PTPRD: variants seen among roughly 807,000 people sequenced by gnomAD.
PTPRD encodes the protein protein tyrosine phosphatase receptor type D, also known as receptor-type tyrosine-protein phosphatase delta.
A neutral mutation model predicts 214.5 loss-of-function variants in PTPRD; 34 were observed. The observed-to-expected ratio is 0.16, with a 90% CI of 0.12 to 0.21. PTPRD has a LOEUF of 0.21. Ranked by LOEUF, PTPRD falls within the 10% of genes least tolerant of loss-of-function variation. The pLI, the probability that PTPRD is intolerant of heterozygous loss-of-function variation, is 1.00. For synonymous variants in PTPRD, 1,128 were observed against 845.7 expected (o/e 1.33, Z -5.79); for missense variants, 2,545 against 2,398.7 (o/e 1.06, Z -1.27).
At chr9:9,012,196 T>G (rs535679350) in intron 11 of PTPRD, among the ~76,000 whole-genome samples, 2 of 152,278 alleles carry the variant, frequency 1.3e-5, no homozygotes, top group East Asian at 3.9e-4. Context: ...AAATGAATTC[T>G]GCCAACAACT....
At chr9:10,572,118 G>A (rs976926307) in intron 2 of PTPRD, among the ~76,000 whole-genome samples, 2 of 152,102 alleles carry the variant, frequency 1.3e-5, no homozygotes, top group Non-Finnish European at 2.9e-5. Context: ...ATTAGAAAAT[G>A]AAACAAAGCC....
intron 3 of PTPRD, among the ~76,000 whole-genome samples, chr9:10,253,452 C>A (rs2092969954): frequency 6.6e-6 from 1 of 152,214 alleles, no homozygotes; most frequent in Non-Finnish European, 1.5e-5. Flanking sequence ...TGGTAAACAT[C>A]CACTCAGCGG....
chr9:9,964,267 TAGGACAAGAA>T (rs1369415410), intron 4 of PTPRD, among the ~76,000 whole-genome samples: 1 of 152,216 alleles, frequency 6.6e-6, no homozygotes, highest in Admixed American at 6.5e-5. Context: ...TAACCGCTAC[TAGGACAAGAA>T]AGAATGTAAT....
At position 8,636,691 on chromosome 9, in the gene PTPRD, C is replaced by T. The variant is rs1228908178; in HGVS notation, c.210+8G>A. 6 of 1,613,784 alleles carry T rather than the reference C, an allele frequency of 3.7e-6. No individual in the cohort carries two copies. The highest frequency in any genetic ancestry group is 5.1e-6 in the Non-Finnish European group (6 of 1,179,754). Reference sequence around the variant, plus strand: ...TCCCCCAGAGAAACAGAACAATGGACCTAATACCTCAAATCTCTGATTGCT... The same window carrying T: ...TCCCCCAGAGAAACAGAACAATGGATCTAATACCTCAAATCTCTGATTGCT... On this transcript the variant is annotated splice_region_variant and intron_variant, in intron 13 of 45. Transcript: ENST00000381196.
chr9:9,486,523 C>G (rs189213095), intron 8 of PTPRD, among the ~76,000 whole-genome samples: 2 of 151,818 alleles, frequency 1.3e-5, no homozygotes, highest in Admixed American at 1.3e-4. Context: ...TTTTTCCTCC[C>G]TCATCTCTAT....
intron 3 of PTPRD, among the ~76,000 whole-genome samples, chr9:10,184,872 T>A (rs1214386039): frequency 6.6e-6 from 1 of 152,112 alleles, no homozygotes; most frequent in Admixed American, 6.5e-5. Flanking sequence ...TGGCAGTGAG[T>A]TTTTTTATTC....
intron 9 of PTPRD, among the ~76,000 whole-genome samples, chr9:9,362,127 C>T (rs181772369): frequency 6.9e-4 from 105 of 151,084 alleles, no homozygotes; most frequent in Middle Eastern, 3.4e-3. Context: ...AACCATTCCT[C>T]TTTTATATCA....
At chr9:9,016,999 T>G (rs2099538421) in intron 11 of PTPRD, among the ~76,000 whole-genome samples, 1 of 152,136 alleles carries the variant, frequency 6.6e-6, no homozygotes, top group African/African-American at 2.4e-5. Flanking sequence ...AGCTCTACTC[T>G]ATGGTTATAA....
intron 5 of PTPRD, among the ~76,000 whole-genome samples, chr9:9,837,486 G>C (rs2057106741): frequency 6.6e-6 from 1 of 152,232 alleles, no homozygotes; most frequent in African/African-American, 2.4e-5. Context: ...AGTAGGTCCA[G>C]TGTCGCATAT....
chr9:9,822,610 T>C lies in PTPRD; in HGVS notation c.-367-55759A>G, dbSNP rs181356405. Among the ~76,000 whole-genome samples the C allele has an allele frequency of 4.2e-3, 629 of 151,384 alleles. 6 individuals carry two copies. The highest frequency in any genetic ancestry group is 0.015 in the African/African-American group (605 of 41,358). ...TTTCTTCTTGTTAAATTATTTGTAA[T>C]GTTATTTTTTAAAGATATTCTGGCT... On this transcript the variant is annotated intron_variant, in intron 5 of 45. Coordinates refer to ENST00000381196, the MANE Select transcript of PTPRD (RefSeq NM_002839.4).
At chr9:9,339,656 T>C (rs914018518) in intron 9 of PTPRD, among the ~76,000 whole-genome samples, 1 of 152,170 alleles carries the variant, frequency 6.6e-6, no homozygotes, top group African/African-American at 2.4e-5. Flanking sequence ...ATTATTTACA[T>C]CAACTTAATT....
At chr9:10,129,227 G>A (rs1015250479) in intron 3 of PTPRD, among the ~76,000 whole-genome samples, 1 of 152,020 alleles carries the variant, frequency 6.6e-6, no homozygotes, top group Non-Finnish European at 1.5e-5. Context: ...TTACTAGCCC[G>A]AAAGTACCTA....
intron 5 of PTPRD, among the ~76,000 whole-genome samples, chr9:9,832,129 T>C (rs945394617): frequency 1.4e-4 from 21 of 152,110 alleles, no homozygotes; most frequent in African/African-American, 5.1e-4. Flanking sequence ...AATGCATAAG[T>C]GAGCCAAGCT....
intron 2 of PTPRD, among the ~76,000 whole-genome samples, chr9:10,530,075 T>C (rs755544860): frequency 6.6e-6 from 1 of 152,088 alleles, no homozygotes; most frequent in Non-Finnish European, 1.5e-5. Flanking sequence ...ATTAAAAAAG[T>C]CAATTTAAAA....
intron 11 of PTPRD, among the ~76,000 whole-genome samples, chr9:8,873,672 A>G (rs970033286): frequency 2.0e-5 from 3 of 152,200 alleles, no homozygotes; most frequent in African/African-American, 7.2e-5. Flanking sequence ...GCTTTAATCA[A>G]TAGTGACAAA....
At chr9:9,923,123 G>GTGTGTGTGTGTGTGTGTGT (rs1555340190) in intron 5 of PTPRD, among the ~76,000 whole-genome samples, 4 of 145,058 alleles carry the variant, frequency 2.8e-5, no homozygotes, top group African/African-American at 1.0e-4. Flanking sequence ...GTGTGTGGGG[G>GTGTGTGTGTGTGTGTGTGT]GTGTGTGTGT....
Position 9,983,440 on chromosome 9 carries a change from T to C in PTPRD, c.-471-44830A>G, listed in dbSNP as rs114060962. Among the ~76,000 whole-genome samples the C allele has an allele frequency of 3.0e-3, 452 of 152,336 alleles. 2 individuals carry two copies. Among genetic ancestry groups the C allele is most frequent in the African/African-American group, 0.01 (423 of 41,590 alleles). ...AGAACAAACACTCTGTATGTAAAAG[T>C]ATGCAAAGTCAAACACCAAAAGCTG... On this transcript the variant is annotated intron_variant, in intron 4 of 45. Coordinates refer to ENST00000381196, the MANE Select transcript of PTPRD (RefSeq NM_002839.4).
chr9:10,338,838 G>A (rs1230463427), intron 3 of PTPRD, among the ~76,000 whole-genome samples: 1 of 151,516 alleles, frequency 6.6e-6, no homozygotes, highest in Non-Finnish European at 1.5e-5. Context: ...ATTCAATATA[G>A]AATGGATAAG....
At chr9:10,480,562 A>C (rs1036733869) in intron 2 of PTPRD, among the ~76,000 whole-genome samples, 21 of 152,158 alleles carry the variant, frequency 1.4e-4, no homozygotes, top group African/African-American at 5.1e-4. Flanking sequence ...GGAAGAAAGA[A>C]AGCATGCAAA....
Sources: gnomAD v4.1 joint callset for allele counts (sites outside exome capture counted in the v4.1 genomes callset) on GRCh38, gnomAD v4.1.1 for gene constraint, MANE v1.5 for transcripts, NCBI Gene and HGNC (gene_info 2026-07-23, HGNC 2026-07-21) for gene names.